Variants in NELL1 observed in about 807,000 individuals in gnomAD.
The protein encoded by NELL1 is neural EGFL like 1.
A neutral mutation model predicts 107.4 loss-of-function variants in NELL1; 76 were observed. That is an observed-to-expected ratio of 0.71 (90% CI 0.59 to 0.86). The LOEUF is 0.86. Ranked by LOEUF, NELL1 falls within the 40% of genes least tolerant of loss-of-function variation. NELL1 has a pLI of 0.00. For synonymous variants in NELL1, 353 were observed against 341.2 expected (o/e 1.03, Z -0.38); for missense variants, 1,024 against 1,005.5 (o/e 1.02, Z -0.25).
At chr11:21,133,950 G>A (rs1368946769) in intron 13 of NELL1, among the ~76,000 whole-genome samples, 1 of 152,216 alleles carries the variant, frequency 6.6e-6, no homozygotes, top group African/African-American at 2.4e-5. Flanking sequence ...CATGGGGCAC[G>A]TAGCCCCAGC....
chr11:21,425,310 C>T (rs1465833263), intron 15 of NELL1, among the ~76,000 whole-genome samples: 2 of 152,120 alleles, frequency 1.3e-5, no homozygotes, highest in East Asian at 3.9e-4. Flanking sequence ...CAGTTCCATA[C>T]CTAGGTAGGT....
At chr11:21,016,793 T>A (rs993659467) in intron 12 of NELL1, among the ~76,000 whole-genome samples, 1 of 152,038 alleles carries the variant, frequency 6.6e-6, no homozygotes, top group Non-Finnish European at 1.5e-5. Context: ...GCACCTAAGG[T>A]CATTTTCCAA....
chr11:21,042,013 C>A (rs1321547734), intron 12 of NELL1, among the ~76,000 whole-genome samples: 1 of 152,194 alleles, frequency 6.6e-6, no homozygotes, highest in Non-Finnish European at 1.5e-5. Flanking sequence ...ATATTTGAAC[C>A]ATCGCTAAGT....
chr11:21,103,391 G>C (rs1854868792), intron 12 of NELL1, among the ~76,000 whole-genome samples: 1 of 152,194 alleles, frequency 6.6e-6, no homozygotes, highest in Admixed American at 6.5e-5. Flanking sequence ...GGGAAGCTAA[G>C]TTTGCCTTGT....
At chr11:21,326,229 A>G (rs944698848) in intron 14 of NELL1, among the ~76,000 whole-genome samples, 21 of 145,556 alleles carry the variant, frequency 1.4e-4, no homozygotes, top group African/African-American at 5.4e-4. Context: ...TTCTTTTTGG[A>G]TGAACAGAAT....
chr11:20,842,179 C>T (rs1194564542), intron 3 of NELL1, among the ~76,000 whole-genome samples: 1 of 152,030 alleles, frequency 6.6e-6, no homozygotes, highest in Non-Finnish European at 1.5e-5. Flanking sequence ...GAGTTCGAGA[C>T]CAGCCTGGCC....
chr11:21,084,499 G>T (rs1854343335), intron 12 of NELL1, among the ~76,000 whole-genome samples: 1 of 152,148 alleles, frequency 6.6e-6, no homozygotes, highest in Non-Finnish European at 1.5e-5. Flanking sequence ...GATTTATGAA[G>T]TTGGCTCTGG....
chr11:21,188,173 A>G (rs761415376), intron 13 of NELL1, among the ~76,000 whole-genome samples: 6 of 151,894 alleles, frequency 4.0e-5, no homozygotes, highest in Non-Finnish European at 8.8e-5. Context: ...ATCTAATGGT[A>G]AATGAATACA....
intron 3 of NELL1, among the ~76,000 whole-genome samples, chr11:20,786,619 TTTC>T (rs1856964302): frequency 6.6e-6 from 1 of 151,986 alleles, no homozygotes; most frequent in African/African-American, 2.4e-5. Context: ...CCATATGGAT[TTTC>T]TTCTTGTGTC....
chr11:20,772,149 G>T (rs1336970520), intron 2 of NELL1, among the ~76,000 whole-genome samples: 1 of 152,148 alleles, frequency 6.6e-6, no homozygotes, highest in African/African-American at 2.4e-5. Flanking sequence ...GTGCACAAAA[G>T]GGAATGAATT....
intron 13 of NELL1, among the ~76,000 whole-genome samples, chr11:21,221,111 C>T (rs767720054): frequency 6.6e-6 from 1 of 152,122 alleles, no homozygotes; most frequent in South Asian, 2.1e-4. Flanking sequence ...GCTTTCTCTG[C>T]ATCTATTGAG....
chr11:21,229,926 T>C (rs938860118), intron 14 of NELL1, among the ~76,000 whole-genome samples: 1 of 152,124 alleles, frequency 6.6e-6, no homozygotes, highest in African/African-American at 2.4e-5. Flanking sequence ...AGAATAAAAA[T>C]AAAATTCCTC....
intron 2 of NELL1, among the ~76,000 whole-genome samples, chr11:20,750,032 T>A (rs1856097327): frequency 6.6e-6 from 1 of 152,122 alleles, no homozygotes; most frequent in Admixed American, 6.5e-5. Flanking sequence ...TTCTCCAAAG[T>A]GGTTATTTAT....
chr11:21,357,432 G>C (rs577435847), intron 14 of NELL1, among the ~76,000 whole-genome samples: 1 of 152,050 alleles, frequency 6.6e-6, no homozygotes, highest in African/African-American at 2.4e-5. Context: ...TTGTATATTC[G>C]TTGGCCATTT....
intron 3 of NELL1, among the ~76,000 whole-genome samples, chr11:20,793,178 A>AT (rs570153206): frequency 2.4e-4 from 36 of 151,948 alleles, no homozygotes; most frequent in African/African-American, 8.7e-4. Flanking sequence ...TGAAATGTTC[A>AT]TTTTCCACTT....
intron 15 of NELL1, among the ~76,000 whole-genome samples, chr11:21,476,388 G>A (rs1002560983): frequency 6.6e-6 from 1 of 152,114 alleles, no homozygotes; most frequent in African/African-American, 2.4e-5. Context: ...ATCTGTGCCT[G>A]TCCTTTCATG....
chr11:20,764,900 G>A (rs1475568549), intron 2 of NELL1, among the ~76,000 whole-genome samples: 5 of 152,108 alleles, frequency 3.3e-5, no homozygotes, highest in East Asian at 1.9e-4. Context: ...GATGACTCAT[G>A]CCTGTAATCC....
At chr11:21,487,092 A>C (rs1854653106) in intron 15 of NELL1, among the ~76,000 whole-genome samples, 2 of 152,320 alleles carry the variant, frequency 1.3e-5, no homozygotes, top group South Asian at 2.1e-4. Context: ...CAAAAGATTT[A>C]GATATCCAGA....
intron 4 of NELL1, among the ~76,000 whole-genome samples, chr11:20,863,177 C>G (rs998752367): frequency 4.4e-5 from 6 of 135,052 alleles, no homozygotes; most frequent in East Asian, 2.1e-4. Context: ...AAGGGGTGGC[C>G]GGGCAGAGGC....
Sources: gnomAD v4.1 joint callset for allele counts (sites outside exome capture counted in the v4.1 genomes callset) on GRCh38, gnomAD v4.1.1 for gene constraint, MANE v1.5 for transcripts, NCBI Gene and HGNC (gene_info 2026-07-23, HGNC 2026-07-21) for gene names.